The following YAF2 variants were observed in gnomAD, a reference collection of about 807,000 sequenced individuals.
YAF2 encodes YY1 associated factor 2.
Under a neutral mutation model 20.1 loss-of-function variants are expected in YAF2, and 7 were observed. That is an observed-to-expected ratio of 0.35 (90% CI 0.20 to 0.65). YAF2 has a LOEUF of 0.65. Among genes scored for constraint, YAF2 ranks in the 30% least tolerant of loss-of-function variants. The pLI is 0.69. For synonymous variants in YAF2, 74 were observed against 76.0 expected, an observed-to-expected ratio of 0.97 and a Z score of 0.14; for missense variants, 151 against 219.2, an observed-to-expected ratio of 0.69 and a Z score of 1.96.
intron 2 of YAF2, among the ~76,000 whole-genome samples, chr12:42,219,023 T>C (rs1326685453): frequency 6.6e-6 from 1 of 152,240 alleles, no homozygotes; most frequent in Non-Finnish European, 1.5e-5. Flanking sequence ...TAGCCTGTGC[T>C]GAACAGAATT....
At chr12:42,237,847 G>A (rs1473299198) in intron 1 of YAF2, 123 bp from the exon 2 acceptor site, 46 of 886,000 alleles carry the variant, frequency 5.2e-5, no homozygotes, top group Middle Eastern at 5.5e-4. Context: ...CGCCCCGCGG[G>A]CCCTCGGCGC....
intron 2 of YAF2, among the ~76,000 whole-genome samples, chr12:42,183,041 GTTA>G (rs146612716): frequency 6.6e-6 from 1 of 152,126 alleles, no homozygotes; most frequent in East Asian, 1.9e-4. Context: ...AAATGTTTTC[GTTA>G]TTATTATATC....
At chr12:42,231,728 T>C (rs1412016267) in intron 2 of YAF2, 1 of 152,238 alleles carries the variant, frequency 6.6e-6, no homozygotes, top group Non-Finnish European at 1.5e-5. Context: ...ATTATATTCA[T>C]TGATACCACC....
chr12:42,208,741 T>C (rs895961973), intron 2 of YAF2, among the ~76,000 whole-genome samples: 3 of 152,078 alleles, frequency 2.0e-5, no homozygotes, highest in Non-Finnish European at 4.4e-5. Flanking sequence ...AACTCTAAAG[T>C]ACAGAAATCA....
At chr12:42,210,849 A>G (rs1231121442) in intron 2 of YAF2, 3 of 515,734 alleles carry the variant, frequency 5.8e-6, no homozygotes, top group African/African-American at 3.8e-5. Context: ...TATCAGAAAC[A>G]TAAGGAAATC....
intron 2 of YAF2, among the ~76,000 whole-genome samples, chr12:42,166,879 T>C (rs1421151672): frequency 6.6e-6 from 1 of 151,988 alleles, no homozygotes; most frequent in East Asian, 1.9e-4. Context: ...GTCTCTACAC[T>C]TTTGTACTTT....
At chr12:42,177,775 T>C (rs77553803) in intron 2 of YAF2, among the ~76,000 whole-genome samples, 3,882 of 152,212 alleles carry the variant, frequency 0.026, 163 homozygotes, top group African/African-American at 0.089. Flanking sequence ...GTCAGAGAAG[T>C]CTTCCTTTTT....
At chr12:42,167,138 G>A (rs2065933922) in intron 2 of YAF2, among the ~76,000 whole-genome samples, 1 of 151,940 alleles carries the variant, frequency 6.6e-6, no homozygotes, top group Non-Finnish European at 1.5e-5. Flanking sequence ...GGGGCCTGTT[G>A]GGGAGTGGGG....
chr12:42,233,571 G>A, intron 2 of YAF2: 1 of 794,088 alleles, frequency 1.3e-6, no homozygotes, highest in Non-Finnish European at 1.5e-6. Context: ...GAGTGCAGTG[G>A]TATGATCACA....
chr12:42,195,044 T>C (rs1470751983), intron 2 of YAF2, among the ~76,000 whole-genome samples: 1 of 152,196 alleles, frequency 6.6e-6, no homozygotes, highest in African/African-American at 2.4e-5. Context: ...TTTAATATGA[T>C]AGATACGGTT....
rs144775935 is a variant in YAF2, at chr12:42,182,858, A to G, written c.153-21093T>C. On this transcript the variant is annotated intron_variant, in intron 2 of 3. Transcript: ENST00000534854. The stretch of plus-strand genomic sequence containing the variant: ...AGTGATATCCATATCAGGACATACA[A>G]TGAAAATCTTGAATAGCATGAACAC... Among the ~76,000 whole-genome samples, 11 of 152,350 alleles carry G rather than the reference A, an allele frequency of 7.2e-5. No homozygotes were observed. The East Asian group carries it at 1.7e-3, about 24-fold the overall frequency.
At chr12:42,214,874 G>A (rs2067309801) in intron 2 of YAF2, among the ~76,000 whole-genome samples, 1 of 151,944 alleles carries the variant, frequency 6.6e-6, no homozygotes, top group Admixed American at 6.6e-5. Flanking sequence ...CGTGGTGGCA[G>A]GCGCCTGCGG....
intron 2 of YAF2, among the ~76,000 whole-genome samples, chr12:42,207,130 T>C (rs910126916): frequency 6.6e-6 from 1 of 152,178 alleles, no homozygotes; most frequent in Non-Finnish European, 1.5e-5. Flanking sequence ...GACCATATCA[T>C]TCACACCAAA....
chr12:42,232,831 C>G (rs2068022799), intron 2 of YAF2: 1 of 985,312 alleles, frequency 1.0e-6, no homozygotes, highest in Non-Finnish European at 1.2e-6. Context: ...AAATAACTCA[C>G]TCTTTTTACC....
chr12:42,183,674 A>C (rs981082521), intron 2 of YAF2, among the ~76,000 whole-genome samples: 3 of 152,242 alleles, frequency 2.0e-5, no homozygotes, highest in African/African-American at 7.2e-5. Context: ...ACATGAAAAA[A>C]TTACAAAGTG....
chr12:42,235,310 C>T (rs754470679), intron 2 of YAF2: 25 of 998,114 alleles, frequency 2.5e-5, no homozygotes, highest in Non-Finnish European at 2.3e-5. Flanking sequence ...TTTCTTCCAA[C>T]TACTGAAACT....
intron 2 of YAF2, among the ~76,000 whole-genome samples, chr12:42,190,230 G>A (rs1482556790): frequency 6.6e-6 from 1 of 152,072 alleles, no homozygotes; most frequent in East Asian, 1.9e-4. Flanking sequence ...TGTAGTCCTA[G>A]ATACTTTGGA....
At chr12:42,227,106 G>A (rs1309669154) in intron 2 of YAF2, among the ~76,000 whole-genome samples, 27 of 145,644 alleles carry the variant, frequency 1.9e-4, no homozygotes, top group Middle Eastern at 3.4e-3. Context: ...AGCGGGCAGC[G>A]GAGCTGTCTC....
At chr12:42,218,932 A>G (rs566501829) in intron 2 of YAF2, among the ~76,000 whole-genome samples, 1 of 152,222 alleles carries the variant, frequency 6.6e-6, no homozygotes, top group African/African-American at 2.4e-5. Flanking sequence ...AAAGCTTCAA[A>G]TCTCTCCTGC....
Sources: allele counts gnomAD v4.1 joint callset (sites outside exome capture counted in the v4.1 genomes callset), GRCh38; gene constraint gnomAD v4.1.1; transcripts MANE v1.5; gene names NCBI Gene and HGNC (gene_info 2026-07-23, HGNC 2026-07-21).